The following QSER1 variants were observed in gnomAD, a reference collection of about 807,000 sequenced individuals.
The protein encoded by QSER1 is glutamine and serine rich 1.
A neutral mutation model predicts 158.5 loss-of-function variants in QSER1; 49 were observed. The ratio of observed to expected loss-of-function variants is 0.31; its 90% CI spans 0.25 to 0.39. The LOEUF is 0.39. Ranked by LOEUF, QSER1 falls within the 10% of genes least tolerant of loss-of-function variation. The pLI is 1.00. For missense variants in QSER1, 1,754 were observed against 2,010.3 expected (o/e 0.87, Z 2.44); for synonymous variants, 650 against 715.5 (o/e 0.91, Z 1.46).
At chr11:32,917,798 G>A (rs1010545099) in intron 1 of QSER1, among the ~76,000 whole-genome samples, 27 of 137,812 alleles carry the variant, frequency 2.0e-4, no homozygotes, top group African/African-American at 6.9e-4. Flanking sequence ...CTCCAGCCTG[G>A]GTGACAATGT....
intron 3 of QSER1, 47 bp downstream of exon 3, chr11:32,928,170 G>A: frequency 8.7e-7 from 1 of 1,153,016 alleles, no homozygotes; most frequent in Non-Finnish European, 1.3e-6. Flanking sequence ...AAATGCTGAT[G>A]AAACATATAC....
At chr11:32,968,339 T>C (rs1852786898) in intron 9 of QSER1, among the ~76,000 whole-genome samples, 1 of 152,152 alleles carries the variant, frequency 6.6e-6, no homozygotes, top group Admixed American at 6.5e-5. Flanking sequence ...AGTACTATGC[T>C]GGTAAATTAA....
intron 1 of QSER1, among the ~76,000 whole-genome samples, chr11:32,897,889 G>A (rs1851575531): frequency 6.6e-6 from 1 of 152,172 alleles, no homozygotes; most frequent in Non-Finnish European, 1.5e-5. Context: ...AGGCCAGATG[G>A]TGGGAGTTGT....
chr11:32,973,021 C>T (rs977184990), intron 10 of QSER1, among the ~76,000 whole-genome samples: 2 of 152,194 alleles, frequency 1.3e-5, no homozygotes, highest in African/African-American at 4.8e-5. Context: ...CTTCCTTTCT[C>T]CTGCCTTGAA....
chr11:32,934,686 T>C lies in QSER1; in HGVS notation c.3428T>C (p.Ile1143Thr). 6.2e-7 allele frequency: 1 copy of C among 1,613,850 alleles called. No individual in the cohort carries two copies. Among genetic ancestry groups the C allele is most frequent in the Non-Finnish European group, 8.5e-7 (1 of 1,179,912 alleles). Reference sequence around the variant, plus strand: ...GAGTTTGTTTCTAGTAGTAGAAGTATAAGTGGAGAGAATGCTACATCAGAG... The same window carrying C: ...GAGTTTGTTTCTAGTAGTAGAAGTACAAGTGGAGAGAATGCTACATCAGAG... ...NQEFVSSSRSISGENATSESE... is the reference protein window; with the variant it reads ...NQEFVSSSRSTSGENATSESE... The change falls in exon 4 of 13, where the codon ATA (isoleucine) becomes ACA (threonine). Residue 1143 changes from isoleucine to threonine, a missense_variant. Ile to Thr is a moderately conservative substitution (Grantham distance 89). Around this residue, in one of 2 missense-constraint regions of QSER1, gnomAD observed 1,707 missense variants for 1,919.6 expected, o/e 0.89. Coordinates refer to ENST00000650167, the MANE Select transcript of QSER1 (RefSeq NM_001076786.3).
chr11:32,944,351 C>T (rs1426236565), intron 4 of QSER1, among the ~76,000 whole-genome samples: 1 of 145,342 alleles, frequency 6.9e-6, no homozygotes, highest in Non-Finnish European at 1.5e-5. Context: ...TGGATCTTTC[C>T]TGCTTTCTCT....
chr11:32,976,236 T>G, intron 12 of QSER1, 98 bp from the exon 13 acceptor site: 2 of 1,038,660 alleles, frequency 1.9e-6, no homozygotes, highest in Non-Finnish European at 2.6e-6. Flanking sequence ...TCATTCTCCA[T>G]GGATAGGATT....
At chr11:32,946,402 T>G (rs9667518) in intron 4 of QSER1, among the ~76,000 whole-genome samples, 1 of 150,596 alleles carries the variant, frequency 6.6e-6, no homozygotes, top group Non-Finnish European at 1.5e-5. Flanking sequence ...TGGTGATGTA[T>G]AGATGGGTTT....
At chr11:32,926,883 T>C (rs934493543) in intron 1 of QSER1, 1 of 152,184 alleles carries the variant, frequency 6.6e-6, no homozygotes. Context: ...TATTACTTTT[T>C]CTTCTGTACC....
At chr11:32,897,213 C>T (rs1851566506) in intron 1 of QSER1, among the ~76,000 whole-genome samples, 2 of 152,146 alleles carry the variant, frequency 1.3e-5, no homozygotes, top group Non-Finnish European at 2.9e-5. Context: ...GATGAGGAAA[C>T]TGAGGGATAG....
chr11:32,912,097 A>G (rs1436137758), intron 1 of QSER1, among the ~76,000 whole-genome samples: 1 of 152,142 alleles, frequency 6.6e-6, no homozygotes, highest in Non-Finnish European at 1.5e-5. Flanking sequence ...TTCAAAAAAC[A>G]CTCAATTTGT....
chr11:32,894,104 C>T (rs1590701224), intron 1 of QSER1, among the ~76,000 whole-genome samples: 1 of 152,078 alleles, frequency 6.6e-6, no homozygotes, highest in African/African-American at 2.4e-5. Flanking sequence ...TAGTGAAGGC[C>T]GTAAAGGTTG....
intron 1 of QSER1, among the ~76,000 whole-genome samples, chr11:32,918,891 A>G (rs1314630066): frequency 2.0e-5 from 3 of 152,098 alleles, no homozygotes; most frequent in African/African-American, 7.2e-5. Context: ...TTAAATGTAG[A>G]CTTCATTTTT....
In QSER1 at chr11:32,933,079, C is replaced by T. The variant is rs753848796; in HGVS notation, c.1821C>T (p.Ala607=). The T allele has an allele frequency of 3.5e-5, 56 of 1,613,726 alleles. No individual in the cohort carries two copies. The highest frequency in any genetic ancestry group is 4.2e-5 in the Non-Finnish European group (50 of 1,180,014). ...LTAPSLSYSS[A]SRAQNLPDSS... ...CCCCTTCTCTTTCTTATTCTTCTGC[C>T]TCTCGGGCTCAGAATTTGCCAGACT... The change falls in exon 4 of 13, where the codon GCC becomes GCT. Residue 607 remains alanine, a synonymous_variant. Transcript: ENST00000650167.
chr11:32,958,431 A>C (rs551312134), intron 8 of QSER1, among the ~76,000 whole-genome samples: 11 of 151,920 alleles, frequency 7.2e-5, no homozygotes, highest in Non-Finnish European at 1.2e-4. Context: ...TCTGTCGCCC[A>C]GGCTGAAGTG....
rs1352412606 is a variant in QSER1, at chr11:32,953,840, G to A, written c.4178-17G>A. 6.3e-7 allele frequency: 1 copy of A among 1,588,794 alleles called. No individual in the cohort carries two copies. Among genetic ancestry groups the A allele is most frequent in the East Asian group, 2.2e-5 (1 of 44,590 alleles). On this transcript the variant is annotated splice_polypyrimidine_tract_variant and intron_variant, in intron 4 of 12. Coordinates refer to ENST00000650167, the MANE Select transcript of QSER1 (RefSeq NM_001076786.3). Reference sequence around the variant, plus strand: ...ATATTTGTAATACTGATTTGCATTTGCTTGGTTTTGTTTCAGAAGCCCTAC... The same window carrying A: ...ATATTTGTAATACTGATTTGCATTTACTTGGTTTTGTTTCAGAAGCCCTAC...
At position 32,975,363 on chromosome 11, in the gene QSER1, T is replaced by C. The variant is rs757685593; in HGVS notation, c.5454+20T>C. 69 of 1,606,374 alleles carry C rather than the reference T, an allele frequency of 4.3e-5. 1 individual carries two copies. The South Asian group carries it at 6.9e-4, about 16-fold the overall frequency. ...GATGAGGTAATTTCTTCTCATTTAC[T>C]TAAAAAAAATGTTTTTCAGAATGTT... On this transcript the variant is annotated intron_variant, in intron 12 of 12. Transcript: ENST00000650167.
Position 32,933,051 on chromosome 11 carries a change from C to G in QSER1, c.1793C>G (p.Thr598Arg). ...SYASGESLTL[T>R]APSLSYSSAS... ...GCTTCAGGGGAGTCCCTAACATTAA[C>G]AGCCCCTTCTCTTTCTTATTCTTCT... Residue 598 changes from threonine to arginine, a missense_variant, in exon 4 of 13, where the codon ACA becomes AGA. Thr to Arg is a moderately conservative substitution (Grantham distance 71). Transcript: ENST00000650167. 1 of 1,613,264 alleles carries G rather than the reference C, an allele frequency of 6.2e-7. No homozygotes were observed. Among genetic ancestry groups the G allele is most frequent in the Non-Finnish European group, 8.5e-7 (1 of 1,179,992 alleles).
intron 1 of QSER1, among the ~76,000 whole-genome samples, chr11:32,914,580 T>C (rs1490468769): frequency 6.6e-6 from 1 of 152,224 alleles, no homozygotes; most frequent in Non-Finnish European, 1.5e-5. Flanking sequence ...ATTTAACATA[T>C]TTCGTGAAAC....
Sources: allele counts gnomAD v4.1 joint callset (sites outside exome capture counted in the v4.1 genomes callset), GRCh38; gene constraint gnomAD v4.1.1; regional missense constraint gnomAD v4.1.1; transcripts MANE v1.5; gene names NCBI Gene and HGNC (gene_info 2026-07-23, HGNC 2026-07-21).